The following ZNF362 variants were observed in gnomAD, a reference collection of about 807,000 sequenced individuals.
ZNF362 encodes rotund homolog.
Under a neutral mutation model 42.9 loss-of-function variants are expected in ZNF362, and 11 were observed. That is an observed-to-expected ratio of 0.26 (90% CI 0.16 to 0.42). The LOEUF (loss-of-function observed/expected upper bound fraction) is 0.42. Among genes scored for constraint, ZNF362 ranks in the 20% least tolerant of loss-of-function variants. The pLI is 1.00. For missense variants in ZNF362, 362 were observed against 576.2 expected, an observed-to-expected ratio of 0.63 and a Z score of 3.81; for synonymous variants, 255 against 257.3, an observed-to-expected ratio of 0.99 and a Z score of 0.09.
At chr1:33,189,340 T>A in the ZNF362 span, among the ~76,000 whole-genome samples, 1 of 151,830 alleles carries the variant, frequency 6.6e-6, no homozygotes, top group Non-Finnish European at 1.5e-5. Context: ...GCTTCTGTAG[T>A]TTATTTGTGA....
At chr1:33,161,655 C>T in the ZNF362 span, among the ~76,000 whole-genome samples, 4 of 152,124 alleles carry the variant, frequency 2.6e-5, no homozygotes, top group Admixed American at 6.5e-5. The surrounding 1 kb of genome is among the most constrained non-coding windows in gnomAD (Gnocchi z 4.3). Context: ...GCCCCCTCAC[C>T]CGGGGAGGGT....
chr1:33,256,323 C>T (rs1332003760), upstream of ZNF362, among the ~76,000 whole-genome samples: 1 of 144,100 alleles, frequency 6.9e-6, no homozygotes, highest in African/African-American at 2.5e-5. Flanking sequence ...CTCGCGGGAG[C>T]CCCCGGGGCC....
At chr1:33,205,780 G>T in the ZNF362 span, among the ~76,000 whole-genome samples, 1 of 152,056 alleles carries the variant, frequency 6.6e-6, no homozygotes, top group Non-Finnish European at 1.5e-5. Context: ...GCCAGATGTG[G>T]TGGTGGGTGC....
the ZNF362 span, among the ~76,000 whole-genome samples, chr1:33,250,896 G>GAAGAAGAAGGAGA: frequency 5.0e-5 from 2 of 39,974 alleles, no homozygotes; most frequent in East Asian, 8.3e-4. Flanking sequence ...GAAGAAGAAG[G>GAAGAAGAAGGAGA]AGAAGAAGAA....
the ZNF362 span, among the ~76,000 whole-genome samples, chr1:33,234,402 G>A: frequency 6.6e-6 from 1 of 152,120 alleles, no homozygotes; most frequent in African/African-American, 2.4e-5. Flanking sequence ...TTTTTGCCAA[G>A]GGCTACATCA....
chr1:33,272,226 G>C (rs757990618), intron 2 of ZNF362, among the ~76,000 whole-genome samples: 14 of 152,176 alleles, frequency 9.2e-5, no homozygotes, highest in Non-Finnish European at 2.1e-4. Context: ...TTGACCTCAG[G>C]GAGGCCACGG....
the ZNF362 span, among the ~76,000 whole-genome samples, chr1:33,212,860 G>T: frequency 1.3e-5 from 2 of 152,146 alleles, no homozygotes; most frequent in Non-Finnish European, 2.9e-5. Flanking sequence ...AACTATATGA[G>T]AAATGAAAGC....
At chr1:33,218,579 T>C in the ZNF362 span, among the ~76,000 whole-genome samples, 1 of 152,214 alleles carries the variant, frequency 6.6e-6, no homozygotes, top group African/African-American at 2.4e-5. Context: ...CAGGTGAACT[T>C]GTCATTATTG....
chr1:33,236,550 A>AAAAAAATATATATAT, the ZNF362 span, among the ~76,000 whole-genome samples: 7 of 5,978 alleles, frequency 1.2e-3, 1 homozygote, highest in Admixed American at 4.2e-3. Context: ...AAAAAAAAAA[A>AAAAAAATATATATAT]ATATATATAT....
At chr1:33,170,066 G>A in the ZNF362 span, among the ~76,000 whole-genome samples, 3 of 152,116 alleles carry the variant, frequency 2.0e-5, no homozygotes, top group Non-Finnish European at 4.4e-5. Flanking sequence ...GCTCACACCT[G>A]TAATCCCAAC....
chr1:33,247,591 C>G, the ZNF362 span, among the ~76,000 whole-genome samples: 4 of 152,220 alleles, frequency 2.6e-5, no homozygotes, highest in African/African-American at 9.6e-5. Context: ...TCAGGGCCAA[C>G]AAAAGGCTAT....
chr1:33,193,830 C>T, the ZNF362 span, among the ~76,000 whole-genome samples: 2 of 152,154 alleles, frequency 1.3e-5, no homozygotes, highest in South Asian at 4.1e-4. Flanking sequence ...AGAGCATAGC[C>T]TTAACTAAAA....
At chr1:33,134,189 T>C in the ZNF362 span, among the ~76,000 whole-genome samples, 5 of 152,212 alleles carry the variant, frequency 3.3e-5, no homozygotes, top group African/African-American at 1.2e-4. Context: ...CACGTGGCAG[T>C]CCCTCAATAA....
At chr1:33,237,698 C>T in the ZNF362 span, among the ~76,000 whole-genome samples, 1 of 152,294 alleles carries the variant, frequency 6.6e-6, no homozygotes, top group South Asian at 2.1e-4. Context: ...AGACCCATTT[C>T]TTCTTCCTGG....
the ZNF362 span, among the ~76,000 whole-genome samples, chr1:33,157,215 C>T: frequency 4.6e-5 from 7 of 152,182 alleles, no homozygotes; most frequent in South Asian, 2.1e-4. Context: ...TCAGTCTCTT[C>T]ACCTTGACCC....
chr1:33,291,513 C>A (rs916696831), intron 6 of ZNF362, among the ~76,000 whole-genome samples: 1 of 152,110 alleles, frequency 6.6e-6, no homozygotes, highest in African/African-American at 2.4e-5. Flanking sequence ...CTTCCAGCTT[C>A]GTTCTTTTGG....
chr1:33,214,522 G>T, the ZNF362 span, among the ~76,000 whole-genome samples: 1 of 152,116 alleles, frequency 6.6e-6, no homozygotes, highest in Non-Finnish European at 1.5e-5. Context: ...AAAATCTTCT[G>T]CACAGCAAAG....
At chr1:33,222,698 T>C in the ZNF362 span, among the ~76,000 whole-genome samples, 1 of 152,208 alleles carries the variant, frequency 6.6e-6, no homozygotes, top group African/African-American at 2.4e-5. Flanking sequence ...TGCTGCTTAA[T>C]CTGTCTGGAA....
At chr1:33,253,912 T>C (rs899823982), upstream of ZNF362, among the ~76,000 whole-genome samples, 3 of 152,290 alleles carry the variant, frequency 2.0e-5, no homozygotes, top group Admixed American at 6.5e-5. Flanking sequence ...TTTTAGAACA[T>C]TTTTAGATTT....
Sources: allele counts gnomAD v4.1 joint callset (sites outside exome capture counted in the v4.1 genomes callset), GRCh38; gene constraint gnomAD v4.1.1; non-coding constraint Gnocchi (gnomAD v3.1); transcripts MANE v1.5; gene names NCBI Gene and HGNC (gene_info 2026-07-23, HGNC 2026-07-21).